The following EIF5B variants were observed in gnomAD, a reference collection of about 807,000 sequenced individuals.
The protein encoded by EIF5B is eukaryotic translation initiation factor 5B.
In EIF5B, 47 loss-of-function variants were observed where a neutral mutation model predicts 147.5. The observed-to-expected ratio is 0.32, with a 90% CI of 0.25 to 0.41. EIF5B has a LOEUF of 0.41. Among genes scored for constraint, EIF5B ranks in the 10% least tolerant of loss-of-function variants. EIF5B has a pLI of 1.00. For synonymous variants in EIF5B, 455 were observed against 456.2 expected, an observed-to-expected ratio of 1.00 and a Z score of 0.03; for missense variants, 1,064 against 1,413.2, an observed-to-expected ratio of 0.75 and a Z score of 3.96.
chr2:99,337,459 G>T lies in EIF5B; in HGVS notation c.-96G>T, dbSNP rs900659542. The T allele has an allele frequency of 1.3e-6, 2 of 1,510,380 alleles. No individual in the cohort carries two copies. The highest frequency in any genetic ancestry group is 1.8e-6 in the Non-Finnish European group (2 of 1,107,916). 93.6% of individuals were successfully genotyped at this position (1,510,380 alleles called of 1,614,324 possible). A position where few individuals can be genotyped will look rare whatever the true frequency, so the allele number is the denominator to read the frequency against. ...GGTGCGAGCGGCGGCAGCACGAGGG[G>T]AAAAGAGCTGAGCGGAGACCAAAGT... On this transcript the variant is annotated 5_prime_UTR_variant, in exon 1 of 24. The change creates a premature stop within an existing upstream ORF in the 5' untranslated region. Coordinates refer to ENST00000289371, the MANE Select transcript of EIF5B (RefSeq NM_015904.4).
Position 99,396,736 on chromosome 2 carries a change from A to C in EIF5B, c.3255-24A>C, listed in dbSNP as rs765767318. On this transcript the variant is annotated intron_variant, in intron 21 of 23. Coordinates refer to ENST00000289371, the MANE Select transcript of EIF5B (RefSeq NM_015904.4). Reference sequence around the variant, plus strand: ...TGTTTAAGTGATTCTGTAAGCTTAAAATTCTTTTCTTTTTTCCTTTCAGGC... The same window carrying C: ...TGTTTAAGTGATTCTGTAAGCTTAACATTCTTTTCTTTTTTCCTTTCAGGC... 6.3e-6 allele frequency: 10 copies of C among 1,578,280 alleles called. No homozygotes were observed. In the South Asian group the frequency reaches 1.2e-4, roughly 19 times the overall value.
At position 99,400,369 on chromosome 2, in the gene EIF5B, A is replaced by C. The variant is rs1200635902; in HGVS notation, c.*955A>C. 1 of 152,176 alleles carries C rather than the reference A, an allele frequency of 6.6e-6. No homozygotes were observed. The highest frequency in any genetic ancestry group is 1.5e-5 in the Non-Finnish European group (1 of 68,036). 9.4% of individuals were successfully genotyped at this position (152,176 alleles called of 1,614,324 possible). A position where few individuals can be genotyped will look rare whatever the true frequency, so the allele number is the denominator to read the frequency against. ...TGCTTCTAAATTGTTGCAGACACAA[A>C]ACTTAATGATTCATTCGTAGTAGTA... On this transcript the variant is annotated 3_prime_UTR_variant, in exon 24 of 24. Transcript: ENST00000289371.
intron 8 of EIF5B, 102 bp downstream of exon 8, chr2:99,369,583 A>G (rs926389951): frequency 5.7e-6 from 5 of 877,238 alleles, no homozygotes; most frequent in South Asian, 3.7e-5. Flanking sequence ...GGAGAACCAA[A>G]TAAGTATCTG....
At chr2:99,365,661 T>C (rs1046709605) in intron 6 of EIF5B, among the ~76,000 whole-genome samples, 4 of 151,898 alleles carry the variant, frequency 2.6e-5, no homozygotes, top group African/African-American at 9.7e-5. Flanking sequence ...GAAATTACAG[T>C]GTAGAATGGT....
intron 13 of EIF5B, 25 bp from the exon 14 acceptor site, chr2:99,382,755 T>A: frequency 6.4e-7 from 1 of 1,572,880 alleles, no homozygotes; most frequent in South Asian, 1.2e-5. Flanking sequence ...TTTCTACTTA[T>A]AGATCTTTTC....
intron 1 of EIF5B, among the ~76,000 whole-genome samples, chr2:99,343,750 GT>G (rs2094266225): frequency 6.6e-6 from 1 of 151,446 alleles, no homozygotes; most frequent in Non-Finnish European, 1.5e-5. Context: ...GAAGGCGGAG[GT>G]TGCAGTGAGC....
At chr2:99,377,513 G>A (rs1674588675) in intron 10 of EIF5B, among the ~76,000 whole-genome samples, 1 of 150,310 alleles carries the variant, frequency 6.7e-6, no homozygotes, top group Non-Finnish European at 1.5e-5. Context: ...TCCCCACCTG[G>A]CACCTCAGTT....
At chr2:99,366,221 C>T (rs1674326045) in intron 6 of EIF5B, among the ~76,000 whole-genome samples, 1 of 152,180 alleles carries the variant, frequency 6.6e-6, no homozygotes, top group South Asian at 2.1e-4. Context: ...ACATACAAGT[C>T]TTGGTGTTGA....
intron 8 of EIF5B, among the ~76,000 whole-genome samples, chr2:99,369,786 C>T (rs1674406046): frequency 6.6e-6 from 1 of 152,104 alleles, no homozygotes; most frequent in African/African-American, 2.4e-5. Context: ...ACCATCCTGG[C>T]TAACACGGTG....
At position 99,393,038 on chromosome 2, in the gene EIF5B, A is replaced by G. The variant is rs1674968168; in HGVS notation, c.2820A>G (p.Lys940=). 1.3e-6 allele frequency: 2 copies of G among 1,592,494 alleles called. No individual in the cohort carries two copies. Among genetic ancestry groups the G allele is most frequent in the Admixed American group, 3.5e-5 (2 of 56,768 alleles). ...GVKILGKDLE[K]TLAGLPLLVA... is the part of the protein sequence containing the mutation. ...AGATTCTTGGAAAAGACCTGGAGAA[A>G]ACATTGGCTGGTTTACCCCTCCTTG... The change falls in exon 18 of 24, where the codon AAA becomes AAG. Residue 940 remains lysine (K), a synonymous_variant. Transcript: ENST00000289371.
At chr2:99,344,699 A>G (rs1322120854) in intron 1 of EIF5B, among the ~76,000 whole-genome samples, 3 of 152,210 alleles carry the variant, frequency 2.0e-5, no homozygotes, top group South Asian at 4.1e-4. Context: ...AGCTTCCCAA[A>G]GTACTGGGAT....
chr2:99,401,211 A>G lies in EIF5B; in HGVS notation c.*1797A>G. ...CCTCACAAGCACTTATGGCACAGCT[A>G]TCAGAGAGCATCAGGCTCTCTGGTA... is the stretch of plus-strand genomic sequence containing the variant. On this transcript the variant is annotated 3_prime_UTR_variant, in exon 24 of 24. Transcript: ENST00000289371. The G allele has an allele frequency of 7.4e-7, 1 of 1,356,518 alleles. No individual in the cohort carries two copies. The highest frequency in any genetic ancestry group is 1.1e-6 in the Non-Finnish European group (1 of 945,660). The allele number at this position is 1,356,518 out of a possible 1,614,324, so 84.0% of individuals were successfully genotyped here. A position where few individuals can be genotyped will look rare whatever the true frequency, so the allele number is the denominator to read the frequency against.
At chr2:99,347,412 G>A (rs1298449945) in intron 1 of EIF5B, among the ~76,000 whole-genome samples, 1 of 152,104 alleles carries the variant, frequency 6.6e-6, no homozygotes, top group Non-Finnish European at 1.5e-5. Context: ...CTAAATCAGG[G>A]CTTCTCAAAC....
chr2:99,382,691 G>A, intron 13 of EIF5B, 89 bp from the exon 14 acceptor site: 1 of 1,286,680 alleles, frequency 7.8e-7, no homozygotes. Flanking sequence ...ACTCTATTTT[G>A]TTTGGGTTTT....
In EIF5B at chr2:99,371,712, G is replaced by A. The variant is rs766386890; in HGVS notation, c.1534G>A (p.Asp512Asn). 5.0e-6 allele frequency: 8 copies of A among 1,613,062 alleles called. No homozygotes were observed. Among genetic ancestry groups the A allele is most frequent in the Non-Finnish European group, 6.8e-6 (8 of 1,179,458 alleles). ...GGATGATTGGGAAGCTATGGCCAGT[G>A]ATGAGGAGACAGAAAAAGGTGAATA... ...GLDDWEAMASDEETEKVEGNK... is the reference protein window; with the variant it reads ...GLDDWEAMASNEETEKVEGNK... The change falls in exon 9 of 24, where the codon GAT (aspartate) becomes AAT (asparagine). Residue 512 changes from aspartate to asparagine, a missense_variant. By Grantham distance (23) the Asp-to-Asn change is conservative (BLOSUM62 1). This residue lies in a region of EIF5B where 195 missense variants were observed against 186.3 expected (regional missense o/e 1.05). Transcript: ENST00000289371.
At chr2:99,379,481 A>G (rs1674644410) in intron 12 of EIF5B, 53 bp downstream of exon 12, 2 of 1,330,384 alleles carry the variant, frequency 1.5e-6, no homozygotes, top group Non-Finnish European at 2.1e-6. Flanking sequence ...TTAAGATATG[A>G]ACTATTTCAA....
chr2:99,382,981 A>G (rs190009569), intron 14 of EIF5B, 60 bp downstream of exon 14: 1,035 of 1,498,476 alleles, frequency 6.9e-4, no homozygotes, highest in Non-Finnish European at 8.0e-4. Context: ...TTTTGTGATT[A>G]AAAAAAGTAG....
In EIF5B at chr2:99,371,670, A is replaced by C. The variant is rs762913218; in HGVS notation, c.1492A>C (p.Thr498Pro). 17 of 1,612,678 alleles carry C rather than the reference A, an allele frequency of 1.1e-5. No individual in the cohort carries two copies. In the African/African-American group the frequency reaches 2.0e-4, roughly 19 times the overall value. Residue 498 changes from threonine (T) to proline (P), a missense_variant, in exon 9 of 24, where the codon ACT becomes CCT. By Grantham distance (38) the Thr-to-Pro change is conservative (BLOSUM62 -1). Coordinates refer to ENST00000289371, the MANE Select transcript of EIF5B (RefSeq NM_015904.4). ...PPVEPEEEED[T>P]EDAGLDDWEA... ...TTTACTTACAGAAGAAGAAGAAGAT[A>C]CTGAGGATGCTGGATTGGATGATTG...
intron 13 of EIF5B, 95 bp from the exon 14 acceptor site, chr2:99,382,685 T>A (rs1674714981): frequency 8.1e-7 from 1 of 1,232,196 alleles, no homozygotes; most frequent in Admixed American, 2.9e-5. Context: ...ACATATACTC[T>A]ATTTTGTTTG....
Sources: gnomAD v4.1 joint callset for allele counts (sites outside exome capture counted in the v4.1 genomes callset) on GRCh38, gnomAD v4.1.1 for gene constraint, gnomAD v4.1.1 regional missense constraint, MANE v1.5 for transcripts, NCBI Gene and HGNC (gene_info 2026-07-23, HGNC 2026-07-21) for gene names.